The following PRDM6 variants were observed in gnomAD, a reference collection of about 807,000 sequenced individuals.
PRDM6 encodes PR/SET domain 6.
Under a neutral mutation model 60.8 loss-of-function variants are expected in PRDM6, and 25 were observed. The ratio of observed to expected loss-of-function variants is 0.41; its 90% confidence interval spans 0.30 to 0.57. PRDM6 has a LOEUF of 0.57. Among genes scored for constraint, PRDM6 ranks in the 20% least tolerant of loss-of-function variants. The pLI is 0.27. For synonymous variants in PRDM6, 407 were observed against 357.4 expected (o/e 1.14, Z -1.57); for missense variants, 839 against 821.3 (o/e 1.02, Z -0.26).
chr5:123,174,641 T>C lies in PRDM6; in HGVS notation c.1496+3533T>C, dbSNP rs568178194. Among the ~76,000 whole-genome samples, 7 of 152,322 alleles carry C rather than the reference T, an allele frequency of 4.6e-5. No individual in the cohort carries two copies. In the South Asian group the frequency reaches 1.0e-3, roughly 23 times the overall value. On this transcript the variant is annotated intron_variant, in intron 6 of 7. Coordinates refer to ENST00000407847, the MANE Select transcript of PRDM6 (RefSeq NM_001136239.4). ...TTTGTGTCTGTATTCATGAGCTTTT[T>C]CATGTGAGATACCATCAAAAGTCTA...
At chr5:123,162,117 T>TA (rs1339728641) in intron 5 of PRDM6, among the ~76,000 whole-genome samples, 1 of 152,222 alleles carries the variant, frequency 6.6e-6, no homozygotes, top group Non-Finnish European at 1.5e-5. Flanking sequence ...CATGACCACT[T>TA]ACTAAGCTCT....
At chr5:123,112,262 G>A (rs1043553564) in intron 3 of PRDM6, among the ~76,000 whole-genome samples, 1 of 152,154 alleles carries the variant, frequency 6.6e-6, no homozygotes, top group Non-Finnish European at 1.5e-5. Flanking sequence ...CACACCTTAA[G>A]TCCCTAAGCT....
At chr5:123,115,591 GA>G (rs532864859) in intron 3 of PRDM6, among the ~76,000 whole-genome samples, 1 of 152,070 alleles carries the variant, frequency 6.6e-6, no homozygotes, top group Non-Finnish European at 1.5e-5. Context: ...ATTTTAAAAA[GA>G]AAAAAACAAG....
intron 6 of PRDM6, among the ~76,000 whole-genome samples, chr5:123,173,744 TAGAG>T (rs1765948123): frequency 6.6e-6 from 1 of 152,158 alleles, no homozygotes; most frequent in South Asian, 2.1e-4. Context: ...TAAGGGGAAA[TAGAG>T]GGAGATATCC....
At chr5:123,138,863 C>T (rs549664686) in intron 3 of PRDM6, among the ~76,000 whole-genome samples, 4 of 152,264 alleles carry the variant, frequency 2.6e-5, no homozygotes, top group Admixed American at 6.5e-5. Context: ...CTGCGCCTTC[C>T]GTTTAAAGTA....
intron 6 of PRDM6, among the ~76,000 whole-genome samples, chr5:123,174,117 A>G (rs1281014042): frequency 6.6e-6 from 1 of 152,236 alleles, no homozygotes; most frequent in Non-Finnish European, 1.5e-5. Flanking sequence ...GGATGTTTGC[A>G]TTATACTCAC....
intron 3 of PRDM6, among the ~76,000 whole-genome samples, chr5:123,145,123 C>T (rs945126264): frequency 2.6e-5 from 4 of 152,188 alleles, no homozygotes; most frequent in Non-Finnish European, 4.4e-5. Context: ...CTTTTAAATC[C>T]AGCATTGGTT....
At chr5:123,119,740 G>A (rs1764538822) in intron 3 of PRDM6, among the ~76,000 whole-genome samples, 2 of 152,280 alleles carry the variant, frequency 1.3e-5, no homozygotes, top group South Asian at 2.1e-4. Flanking sequence ...ATTGTCAGCG[G>A]TGTCAGAGAG....
chr5:123,093,093 T>G (rs1342370816), intron 2 of PRDM6, among the ~76,000 whole-genome samples: 1 of 152,206 alleles, frequency 6.6e-6, no homozygotes, highest in African/African-American at 2.4e-5. Context: ...AAGCTCCTAT[T>G]AATTTATCAT....
chr5:123,089,647 CGCTGCGCCACGCCGGCTCGGGT>C (rs1317746721), intron 1 of PRDM6, 128 bp downstream of exon 1: 3 of 235,800 alleles, frequency 1.3e-5, no homozygotes, highest in Non-Finnish European at 2.4e-5. Context: ...GCGGCTCGGG[CGCTGCGCCACGCCGGCTCGGGT>C]CGGCTCCGGG....
At chr5:123,184,132 A>ATTGG (rs1766229331) in intron 7 of PRDM6, among the ~76,000 whole-genome samples, 3 of 152,210 alleles carry the variant, frequency 2.0e-5, no homozygotes, top group African/African-American at 7.2e-5. Context: ...AACACATCAT[A>ATTGG]CATACAAAGC....
In PRDM6 at chr5:123,189,252, G is replaced by C. The variant is rs575250371; in HGVS notation, c.*2051G>C. ...AAACCTGCAAGAAAAGGACAGATCA[G>C]CTTCACAGATGAGTAAGCTGTTCCA... On this transcript the variant is annotated 3_prime_UTR_variant, in exon 8 of 8. Coordinates refer to ENST00000407847, the MANE Select transcript of PRDM6 (RefSeq NM_001136239.4). 3.3e-5 allele frequency: 5 copies of C among 152,230 alleles called. No individual in the cohort carries two copies. The highest frequency in any genetic ancestry group is 6.5e-5 in the Admixed American group (1 of 15,288). 9.4% of individuals were successfully genotyped at this position (152,230 alleles called of 1,614,324 possible). A position where few individuals can be genotyped will look rare whatever the true frequency, so the allele number is the denominator to read the frequency against.
intron 3 of PRDM6, among the ~76,000 whole-genome samples, chr5:123,121,638 T>G (rs572950091): frequency 2.6e-5 from 4 of 152,304 alleles, no homozygotes; most frequent in Admixed American, 2.6e-4. Context: ...AAGACACAGA[T>G]TAAAAAACCA....
rs541856719 is a variant in PRDM6 at position 123,108,995 on chromosome 5, A to G, written c.900+9034A>G. 1.1e-4 allele frequency among the ~76,000 whole-genome samples: 16 copies of G among 152,226 alleles called. No homozygotes were observed. In the East Asian group the frequency reaches 3.1e-3, roughly 29 times the overall value. On this transcript the variant is annotated intron_variant, in intron 3 of 7. Transcript: ENST00000407847. ...TCTAGTCTTATCCTCTCCACTCTGT[A>G]TTCTCCTGGTGGAAAATTTTATTAA...
chr5:123,134,793 A>C (rs10052206), intron 3 of PRDM6, among the ~76,000 whole-genome samples: 27,801 of 152,098 alleles, frequency 0.18, 3,136 homozygotes, highest in East Asian at 0.59. Flanking sequence ...AGTACATTTA[A>C]ATAAATTGGA....
intron 3 of PRDM6, among the ~76,000 whole-genome samples, chr5:123,108,344 G>C (rs918843279): frequency 6.6e-6 from 1 of 152,022 alleles, no homozygotes; most frequent in African/African-American, 2.4e-5. Context: ...AAAGCACCAA[G>C]AGCTAAATAT....
chr5:123,163,424 C>T (rs1176196471), intron 5 of PRDM6, among the ~76,000 whole-genome samples: 1 of 152,216 alleles, frequency 6.6e-6, no homozygotes, highest in Non-Finnish European at 1.5e-5. Context: ...CCGCTGGCGG[C>T]CCCAAAGCAG....
At chr5:123,175,041 GC>G (rs1765973763) in intron 6 of PRDM6, among the ~76,000 whole-genome samples, 3 of 145,596 alleles carry the variant, frequency 2.1e-5, no homozygotes, top group African/African-American at 7.9e-5. Context: ...TAAGCTTATT[GC>G]CTAGGCCAAA....
intron 2 of PRDM6, among the ~76,000 whole-genome samples, chr5:123,096,250 T>G (rs1320803082): frequency 6.6e-6 from 1 of 151,988 alleles, no homozygotes; most frequent in Non-Finnish European, 1.5e-5. Context: ...TATTATGTAT[T>G]GCTTGGCTTG....
Sources: allele counts gnomAD v4.1 joint callset (sites outside exome capture counted in the v4.1 genomes callset), GRCh38; gene constraint gnomAD v4.1.1; transcripts MANE v1.5; gene names NCBI Gene and HGNC (gene_info 2026-07-23, HGNC 2026-07-21).